The following DCDC1 variants were observed in gnomAD, a reference collection of about 807,000 sequenced individuals.
The protein encoded by DCDC1 is doublecortin domain containing 1.
Under a neutral mutation model 178.3 loss-of-function variants are expected in DCDC1, and 200 were observed. The observed-to-expected ratio is 1.12, with a 90% CI of 1.00 to 1.26. DCDC1 has a LOEUF of 1.26. Among genes scored for constraint, DCDC1 ranks in the 50% most tolerant of loss-of-function variants. The pLI is 0.00. For synonymous variants in DCDC1, 690 were observed against 604.8 expected (o/e 1.14, Z -2.07); for missense variants, 1,983 against 1,749.2 (o/e 1.13, Z -2.38).
intron 9 of DCDC1, among the ~76,000 whole-genome samples, chr11:31,147,542 C>T (rs1964574942): frequency 6.6e-6 from 1 of 152,098 alleles, no homozygotes; most frequent in African/African-American, 2.4e-5. Context: ...AAATCATTAC[C>T]CTGGTTATAT....
At chr11:31,339,731 A>G (rs1034638695) in intron 1 of DCDC1, among the ~76,000 whole-genome samples, 1 of 152,360 alleles carries the variant, frequency 6.6e-6, no homozygotes, top group South Asian at 2.1e-4. Context: ...TCACAGCAGC[A>G]ACATTGTAAT....
At chr11:31,195,055 G>A (rs1444886579) in intron 9 of DCDC1, among the ~76,000 whole-genome samples, 2 of 152,064 alleles carry the variant, frequency 1.3e-5, no homozygotes, top group East Asian at 3.9e-4. Context: ...GGACTGTCCA[G>A]GGCTTTCACA....
intron 8 of DCDC1, among the ~76,000 whole-genome samples, chr11:31,253,963 T>C (rs933979647): frequency 6.6e-6 from 1 of 152,180 alleles, no homozygotes; most frequent in South Asian, 2.1e-4. Context: ...ATTAAGAAGA[T>C]GGCATGTGAC....
chr11:31,009,053 T>G (rs1471783744), intron 20 of DCDC1, among the ~76,000 whole-genome samples: 1 of 152,156 alleles, frequency 6.6e-6, no homozygotes, highest in Admixed American at 6.5e-5. Context: ...ACTGCAATAG[T>G]AGATTTCAGA....
intron 34 of DCDC1, 25 bp from the exon 35 acceptor site, chr11:30,894,409 T>G (rs1944038664): frequency 6.2e-7 from 1 of 1,603,856 alleles, no homozygotes; most frequent in Non-Finnish European, 8.5e-7. Flanking sequence ...CTCTAGAAAT[T>G]TTGTTTCTGA....
Position 31,360,450 on chromosome 11 carries a change from T to C in DCDC1, c.-125+9247A>G, listed in dbSNP as rs552320161. Among the ~76,000 whole-genome samples the C allele has an allele frequency of 3.9e-5, 6 of 152,306 alleles. No individual in the cohort carries two copies. The East Asian group carries it at 1.2e-3, about 29-fold the overall frequency. Reference sequence around the variant, plus strand: ...GTATACAGTATAGTATCAAACCCTATATATACTATGTTTTTTCCTATCATA... The same window carrying C: ...GTATACAGTATAGTATCAAACCCTACATATACTATGTTTTTTCCTATCATA... On this transcript the variant is annotated intron_variant, in intron 1 of 38. Coordinates refer to ENST00000684477, the MANE Select transcript of DCDC1 (RefSeq NM_001387274.1).
At position 31,213,278 on chromosome 11, in the gene DCDC1, T is replaced by C. The variant is rs986024865; in HGVS notation, c.1221+28172A>G. ...ATTCAGGGTCTATTTTCGCCTCATG[T>C]CAAAATGATCTTTTCAAATTTAGCC... On this transcript the variant is annotated intron_variant, in intron 9 of 38. Coordinates refer to ENST00000684477, the MANE Select transcript of DCDC1 (RefSeq NM_001387274.1). Among the ~76,000 whole-genome samples, 3 of 151,774 alleles carry C rather than the reference T, an allele frequency of 2.0e-5. No individual in the cohort carries two copies. In the East Asian group the frequency reaches 5.8e-4, roughly 29 times the overall value.
chr11:31,146,442 TC>T (rs1228151551), intron 9 of DCDC1, among the ~76,000 whole-genome samples: 1 of 152,196 alleles, frequency 6.6e-6, no homozygotes, highest in Non-Finnish European at 1.5e-5. Flanking sequence ...CCTCTCCTTT[TC>T]CCCGTTGGTT....
At chr11:31,211,842 G>A (rs1972572749) in intron 9 of DCDC1, among the ~76,000 whole-genome samples, 1 of 152,134 alleles carries the variant, frequency 6.6e-6, no homozygotes, top group Admixed American at 6.5e-5. Flanking sequence ...CAGCACTTTG[G>A]AAGGCCGAGG....
intron 6 of DCDC1, among the ~76,000 whole-genome samples, chr11:31,299,680 T>C (rs1172244246): frequency 6.6e-6 from 1 of 152,178 alleles, no homozygotes; most frequent in Non-Finnish European, 1.5e-5. Flanking sequence ...TAAAGTCAGA[T>C]ACGTGTGACA....
intron 20 of DCDC1, among the ~76,000 whole-genome samples, chr11:31,018,144 G>A (rs1273297400): frequency 2.0e-5 from 3 of 151,814 alleles, no homozygotes; most frequent in Non-Finnish European, 1.5e-5. Flanking sequence ...ACTAAATCAT[G>A]GTTTTCATTT....
chr11:31,102,445 A>G (rs1958573106), intron 14 of DCDC1, among the ~76,000 whole-genome samples, 163 bp from the exon 15 acceptor site: 1 of 152,222 alleles, frequency 6.6e-6, no homozygotes, highest in Non-Finnish European at 1.5e-5. Flanking sequence ...GTCATTGGGG[A>G]ATAAAGCTGT....
chr11:31,250,429 TG>T (rs1308057483), intron 8 of DCDC1, among the ~76,000 whole-genome samples: 1 of 113,388 alleles, frequency 8.8e-6, no homozygotes, highest in Non-Finnish European at 1.9e-5. Flanking sequence ...TACATATATA[TG>T]TATATATATA....
intron 20 of DCDC1, among the ~76,000 whole-genome samples, chr11:30,995,760 C>T (rs1951230020): frequency 6.6e-6 from 1 of 151,976 alleles, no homozygotes; most frequent in African/African-American, 2.4e-5. Flanking sequence ...ATACCTCATA[C>T]CTTATACAAA....
chr11:31,270,060 G>C (rs1198092192), intron 7 of DCDC1, among the ~76,000 whole-genome samples: 2 of 152,138 alleles, frequency 1.3e-5, no homozygotes, highest in African/African-American at 4.8e-5. Flanking sequence ...GTTAATGCCT[G>C]GAAGCATAAG....
chr11:31,285,763 T>C (rs1158238844), intron 7 of DCDC1, among the ~76,000 whole-genome samples: 1 of 152,102 alleles, frequency 6.6e-6, no homozygotes, highest in African/African-American at 2.4e-5. Context: ...ACTTACATGT[T>C]TTTTCAGTAA....
intron 9 of DCDC1, among the ~76,000 whole-genome samples, chr11:31,213,037 TAG>T: frequency 6.6e-6 from 1 of 151,080 alleles, no homozygotes; most frequent in East Asian, 1.9e-4. Context: ...TCTTCCTTAT[TAG>T]ATGATCCAGA....
At chr11:31,341,674 T>A (rs1950555340) in intron 1 of DCDC1, among the ~76,000 whole-genome samples, 1 of 152,112 alleles carries the variant, frequency 6.6e-6, no homozygotes, top group South Asian at 2.1e-4. Flanking sequence ...ATAGAAAAAG[T>A]AATACACTGC....
At chr11:30,899,213 C>A (rs1423819109) in intron 34 of DCDC1, among the ~76,000 whole-genome samples, 2 of 151,928 alleles carry the variant, frequency 1.3e-5, no homozygotes, top group African/African-American at 4.8e-5. Context: ...AATTCTGAAG[C>A]CCACAAAACG....
Sources: gnomAD v4.1 joint callset for allele counts (sites outside exome capture counted in the v4.1 genomes callset) on GRCh38, gnomAD v4.1.1 for gene constraint, MANE v1.5 for transcripts, NCBI Gene and HGNC (gene_info 2026-07-23, HGNC 2026-07-21) for gene names.